Variants in ME3 observed in about 807,000 individuals in gnomAD.
ME3 encodes the protein malic enzyme 3.
A neutral mutation model predicts 68.9 loss-of-function variants in ME3; 48 were observed. The ratio of observed to expected loss-of-function variants is 0.70; its 90% CI spans 0.55 to 0.89. The LOEUF (loss-of-function observed/expected upper bound fraction) is 0.89. Ranked by LOEUF, ME3 falls within the 40% of genes least tolerant of loss-of-function variation. The pLI, the probability that ME3 is intolerant of heterozygous loss-of-function variation, is 0.00. For synonymous variants in ME3, 320 were observed against 318.8 expected (o/e 1.00, Z -0.04); for missense variants, 675 against 797.4 (o/e 0.85, Z 1.85).
chr11:86,450,360 G>T, exon 9 of ME3: 2 of 1,614,004 alleles, frequency 1.2e-6, no homozygotes, highest in South Asian at 2.2e-5. Flanking sequence ...GTGATTCGCA[G>T]AGCAGCCAAG....
At chr11:86,476,111 C>T (rs1025961433) in intron 7 of ME3, among the ~76,000 whole-genome samples, 1 of 152,134 alleles carries the variant, frequency 6.6e-6, no homozygotes, top group East Asian at 1.9e-4. Flanking sequence ...TTAAAACCAA[C>T]AGGAGAAGCT....
chr11:86,558,085 C>T (rs1179520638), intron 3 of ME3, among the ~76,000 whole-genome samples: 2 of 152,222 alleles, frequency 1.3e-5, no homozygotes, highest in African/African-American at 2.4e-5. Context: ...AATGGGCACA[C>T]TCTTCTGTCC....
intron 8 of ME3, among the ~76,000 whole-genome samples, chr11:86,463,642 G>T (rs751550268): frequency 8.5e-5 from 13 of 152,176 alleles, no homozygotes; most frequent in Non-Finnish European, 1.9e-4. Context: ...CACTCTTCAG[G>T]CACTGAAGTC....
chr11:86,661,305 C>T lies in ME3; in HGVS notation c.183+10457G>A, dbSNP rs144342765. On this transcript the variant is annotated intron_variant, in intron 2 of 14. Coordinates refer to ENST00000543262, the Ensembl canonical transcript of ME3. ...AGGAGGGCATCATAGCAGAGGTGAC[C>T]CTGGAGATGCTGAACCCTGAAGCAT... 8.0e-3 allele frequency among the ~76,000 whole-genome samples: 1,219 copies of T among 152,276 alleles called. 26 individuals are homozygous for T. The highest frequency in any genetic ancestry group is 0.027 in the African/African-American group (1,132 of 41,550).
chr11:86,511,865 A>G (rs1467168799), intron 4 of ME3, among the ~76,000 whole-genome samples: 1 of 151,980 alleles, frequency 6.6e-6, no homozygotes, highest in African/African-American at 2.4e-5. Context: ...CATTCTGGCA[A>G]CCAGCTGACC....
chr11:86,555,654 T>G (rs989128237), intron 4 of ME3, among the ~76,000 whole-genome samples: 1 of 152,230 alleles, frequency 6.6e-6, no homozygotes, highest in Non-Finnish European at 1.5e-5. Flanking sequence ...GAACACACTG[T>G]GACCATCTTG....
chr11:86,628,008 G>A (rs564223339), intron 2 of ME3, among the ~76,000 whole-genome samples: 11 of 152,302 alleles, frequency 7.2e-5, no homozygotes, highest in African/African-American at 1.4e-4. Flanking sequence ...CCATGTGTGC[G>A]GTACTGTGCT....
chr11:86,631,436 G>A (rs968472508), intron 2 of ME3, among the ~76,000 whole-genome samples: 1 of 152,166 alleles, frequency 6.6e-6, no homozygotes, highest in Non-Finnish European at 1.5e-5. Context: ...TGACAAGAAT[G>A]TGAGAGAACT....
exon 2 of ME3, chr11:86,671,866 G>C: frequency 6.3e-7 from 1 of 1,577,036 alleles, no homozygotes; most frequent in Non-Finnish European, 8.6e-7. Flanking sequence ...GGCGCGGTGG[G>C]TGTCCAGCGC....
chr11:86,466,512 C>T (rs1280609504), intron 7 of ME3, among the ~76,000 whole-genome samples: 2 of 152,000 alleles, frequency 1.3e-5, no homozygotes, highest in Non-Finnish European at 2.9e-5. Flanking sequence ...TATTTATTAC[C>T]TTGTTAGAGA....
At chr11:86,626,649 C>A (rs972383400) in intron 2 of ME3, among the ~76,000 whole-genome samples, 3 of 152,126 alleles carry the variant, frequency 2.0e-5, no homozygotes, top group Admixed American at 6.5e-5. Flanking sequence ...TGTAAAGGGC[C>A]AGATAGTAAA....
At chr11:86,611,721 G>A (rs1047856992) in intron 2 of ME3, among the ~76,000 whole-genome samples, 72 of 151,856 alleles carry the variant, frequency 4.7e-4, no homozygotes, top group African/African-American at 1.5e-3. Flanking sequence ...GGCCTTGATT[G>A]TTGGCTCTTA....
chr11:86,584,293 A>G (rs1237251487), intron 2 of ME3, among the ~76,000 whole-genome samples: 1 of 152,218 alleles, frequency 6.6e-6, no homozygotes, highest in Non-Finnish European at 1.5e-5. Flanking sequence ...TAGAGTGGAT[A>G]TTATCAAAAA....
intron 6 of ME3, among the ~76,000 whole-genome samples, chr11:86,492,621 A>G (rs985980412): frequency 1.3e-5 from 2 of 152,332 alleles, no homozygotes; most frequent in South Asian, 4.1e-4. Flanking sequence ...AAGTAAGTCA[A>G]TGATTATAAT....
intron 2 of ME3, among the ~76,000 whole-genome samples, chr11:86,650,679 A>G (rs1945344178): frequency 6.6e-6 from 1 of 152,218 alleles, no homozygotes. Context: ...GACACAGAAG[A>G]TGAATGATTT....
chr11:86,541,430 A>C (rs532789080), intron 4 of ME3, among the ~76,000 whole-genome samples: 1 of 152,326 alleles, frequency 6.6e-6, no homozygotes, highest in Non-Finnish European at 1.5e-5. Context: ...AGCAGTCTGA[A>C]GTTGACCTGG....
At chr11:86,500,792 G>A (rs190174441) in intron 5 of ME3, among the ~76,000 whole-genome samples, 3 of 152,098 alleles carry the variant, frequency 2.0e-5, no homozygotes, top group Admixed American at 2.0e-4. Flanking sequence ...CCTTTTTCCT[G>A]GAGGGTTCTT....
chr11:86,530,973 G>A (rs1325177648), intron 4 of ME3, among the ~76,000 whole-genome samples: 4 of 152,046 alleles, frequency 2.6e-5, no homozygotes, highest in Non-Finnish European at 5.9e-5. Context: ...AAAAGCAATG[G>A]CAACAAAAGC....
rs775561241 is a variant in ME3, at chr11:86,442,805, G to A, written c.1653+16C>T. On this transcript the variant is annotated intron_variant, in intron 14 of 14. Transcript: ENST00000543262. ...GAGCCTCACTACCCATATTACAGGG[G>A]TAGGATGCCCCTTACTTTGATGGCA... The A allele has an allele frequency of 1.3e-6, 2 of 1,590,646 alleles. No individual in the cohort carries two copies. The highest frequency in any genetic ancestry group is 1.7e-6 in the Non-Finnish European group (2 of 1,159,280).
Sources: gnomAD v4.1 joint callset for allele counts (sites outside exome capture counted in the v4.1 genomes callset) on GRCh38, gnomAD v4.1.1 for gene constraint, MANE v1.5 for transcripts, NCBI Gene and HGNC (gene_info 2026-07-23, HGNC 2026-07-21) for gene names.